GPR158: variants seen among roughly 807,000 people sequenced by gnomAD.
GPR158 encodes the protein G protein-coupled receptor 158, also known as metabotropic glycine receptor.
In GPR158, 30 loss-of-function variants were observed where a neutral mutation model predicts 78.2. That is an observed-to-expected ratio of 0.38 (90% CI 0.29 to 0.52). GPR158 has a LOEUF of 0.52. GPR158 is among the 20% of genes least tolerant of loss of function. The probability of loss-of-function intolerance (pLI) is 0.83; values close to 1 mark genes in which losing one functional copy is unlikely to be tolerated. For synonymous variants in GPR158, 581 were observed against 591.1 expected (o/e 0.98, Z 0.25); for missense variants, 1,463 against 1,523.5 (o/e 0.96, Z 0.66).
At chr10:25,270,328 A>AT (rs976596939) in intron 2 of GPR158, among the ~76,000 whole-genome samples, 18 of 151,526 alleles carry the variant, frequency 1.2e-4, no homozygotes, top group Admixed American at 2.6e-4. Context: ...GAACAGTTTG[A>AT]TTTTTTTTTC....
chr10:25,416,502 A>G (rs1485969095), intron 4 of GPR158, among the ~76,000 whole-genome samples: 1 of 152,184 alleles, frequency 6.6e-6, no homozygotes, highest in Non-Finnish European at 1.5e-5. Context: ...CCCCATCCTC[A>G]AAATGAGAAA....
At position 25,599,282 on chromosome 10, in the gene GPR158, A is replaced by G; in HGVS notation, c.*8A>G. The G allele has an allele frequency of 1.3e-6, 2 of 1,585,590 alleles. No individual in the cohort carries two copies. The highest frequency in any genetic ancestry group is 1.7e-6 in the Non-Finnish European group (2 of 1,163,812). ...GATAGTTTTAAAGTGTAGCATCTCC[A>G]GGAAGAAGAGGAAAAGGAGGGAACC... On this transcript the variant is annotated 3_prime_UTR_variant, in exon 11 of 11. Transcript: ENST00000376351.
chr10:25,438,668 T>C (rs991337370), intron 4 of GPR158, among the ~76,000 whole-genome samples: 1 of 152,214 alleles, frequency 6.6e-6, no homozygotes, highest in African/African-American at 2.4e-5. Flanking sequence ...TTAAATGAAC[T>C]TCCTCCAAAT....
chr10:25,541,354 C>A (rs751796969), intron 5 of GPR158, among the ~76,000 whole-genome samples: 4 of 151,918 alleles, frequency 2.6e-5, no homozygotes, highest in South Asian at 2.1e-4. Context: ...AATATCTTCT[C>A]CCAGCATATG....
chr10:25,214,095 C>G (rs776586790), intron 1 of GPR158, among the ~76,000 whole-genome samples: 1 of 151,916 alleles, frequency 6.6e-6, no homozygotes, highest in Non-Finnish European at 1.5e-5. Context: ...CCTGGGTTCA[C>G]GCCATTCTCC....
At chr10:25,204,655 C>T (rs1029102206) in intron 1 of GPR158, among the ~76,000 whole-genome samples, 4 of 151,958 alleles carry the variant, frequency 2.6e-5, no homozygotes, top group African/African-American at 9.7e-5. Flanking sequence ...TTCGGTTTGC[C>T]AGTATTTTAT....
intron 1 of GPR158, among the ~76,000 whole-genome samples, chr10:25,202,653 A>C (rs1852949826): frequency 6.6e-6 from 1 of 152,074 alleles, no homozygotes; most frequent in Non-Finnish European, 1.5e-5. Context: ...CCAGTCTATC[A>C]TTGTTGGACA....
chr10:25,467,413 G>A (rs1261433387), intron 5 of GPR158, among the ~76,000 whole-genome samples: 1 of 152,138 alleles, frequency 6.6e-6, no homozygotes, highest in East Asian at 1.9e-4. Flanking sequence ...TATGTTAATA[G>A]AGACTCTTAC....
intron 5 of GPR158, among the ~76,000 whole-genome samples, chr10:25,509,836 C>T (rs1434115517): frequency 6.6e-6 from 1 of 152,230 alleles, no homozygotes. Context: ...GCCTCAGCCT[C>T]CTGAGTAGCT....
At chr10:25,430,644 G>C (rs940626801) in intron 4 of GPR158, among the ~76,000 whole-genome samples, 48 of 149,726 alleles carry the variant, frequency 3.2e-4, no homozygotes, top group Non-Finnish European at 6.1e-4. Flanking sequence ...AAACAGCATG[G>C]TACTGGTACC....
chr10:25,373,935 G>C (rs1299152066), intron 2 of GPR158, among the ~76,000 whole-genome samples: 1 of 151,520 alleles, frequency 6.6e-6, no homozygotes, highest in Non-Finnish European at 1.5e-5. Flanking sequence ...ATGTCATTTA[G>C]GTCAAATTTT....
intron 5 of GPR158, among the ~76,000 whole-genome samples, chr10:25,546,735 G>A (rs1836666551): frequency 6.6e-6 from 1 of 152,172 alleles, no homozygotes; most frequent in African/African-American, 2.4e-5. Flanking sequence ...CCTACTGGAG[G>A]GAAGACATGA....
intron 4 of GPR158, among the ~76,000 whole-genome samples, chr10:25,433,553 G>GT (rs1554803616): frequency 7.9e-6 from 1 of 127,068 alleles, no homozygotes; most frequent in Non-Finnish European, 1.8e-5. Flanking sequence ...TGTGTTGTGT[G>GT]TGTGTGTGTG....
intron 2 of GPR158, among the ~76,000 whole-genome samples, chr10:25,274,193 T>C (rs1234731697): frequency 6.6e-6 from 1 of 152,210 alleles, no homozygotes; most frequent in Non-Finnish European, 1.5e-5. Flanking sequence ...GTTGCTCAGC[T>C]CTTTCTAAAC....
At chr10:25,425,207 T>C (rs1834803292) in intron 4 of GPR158, among the ~76,000 whole-genome samples, 1 of 152,110 alleles carries the variant, frequency 6.6e-6, no homozygotes. Flanking sequence ...TAGGAATGCT[T>C]GTGATTTTTG....
intron 2 of GPR158, among the ~76,000 whole-genome samples, chr10:25,331,475 G>A (rs1438209262): frequency 6.6e-6 from 1 of 152,108 alleles, no homozygotes; most frequent in Non-Finnish European, 1.5e-5. Context: ...GTTTTGATCT[G>A]TCTAGCATTT....
At chr10:25,241,676 C>T (rs999250036) in intron 2 of GPR158, among the ~76,000 whole-genome samples, 2 of 152,166 alleles carry the variant, frequency 1.3e-5, no homozygotes, top group African/African-American at 4.8e-5. Flanking sequence ...CCCACCTTGG[C>T]CTCCCAAAGT....
rs1213464003 is a variant in GPR158, at chr10:25,234,918, C to A, written c.1008+13761C>A. Among the ~76,000 whole-genome samples, 5 of 152,084 alleles carry A rather than the reference C, an allele frequency of 3.3e-5. No homozygotes were observed. In the East Asian group the frequency reaches 9.6e-4, roughly 29 times the overall value. ...AGATATTCTTAGGACCAAATGAGTACCATATATATGCAAAATGAAAAGTGA... is the reference window on the plus strand; with the variant it reads ...AGATATTCTTAGGACCAAATGAGTAACATATATATGCAAAATGAAAAGTGA... On this transcript the variant is annotated intron_variant, in intron 2 of 10. Coordinates refer to ENST00000376351, the MANE Select transcript of GPR158 (RefSeq NM_020752.3).
intron 2 of GPR158, among the ~76,000 whole-genome samples, chr10:25,346,218 G>A (rs1855368863): frequency 2.0e-5 from 3 of 151,720 alleles, no homozygotes; most frequent in South Asian, 4.1e-4. Context: ...ATGTTTCTGG[G>A]TGCTCTCAAT....
Sources: gnomAD v4.1 joint callset for allele counts (sites outside exome capture counted in the v4.1 genomes callset) on GRCh38, gnomAD v4.1.1 for gene constraint, MANE v1.5 for transcripts, NCBI Gene and HGNC (gene_info 2026-07-23, HGNC 2026-07-21) for gene names.